NUP160: variants seen among roughly 807,000 people sequenced by gnomAD.
The protein encoded by NUP160 is nuclear pore complex protein Nup160.
NUP160 carries 94 observed loss-of-function variants against 196.9 expected under a neutral mutation model. The ratio of observed to expected loss-of-function variants is 0.48; its 90% CI spans 0.40 to 0.57. The LOEUF is 0.57. NUP160 is among the 20% of genes least tolerant of loss of function. NUP160 has a pLI of 0.00. For synonymous variants in NUP160, 605 were observed against 619.7 expected (o/e 0.98, Z 0.35); for missense variants, 1,638 against 1,748.3 (o/e 0.94, Z 1.13).
At chr11:47,796,984 C>T (rs1458857273) in intron 27 of NUP160, among the ~76,000 whole-genome samples, 5 of 152,162 alleles carry the variant, frequency 3.3e-5, no homozygotes, top group Admixed American at 6.6e-5. Flanking sequence ...TGGGCCACCG[C>T]GCCCAACCCT....
chr11:47,840,422 C>T (rs1852272686), exon 3 of NUP160: 1 of 1,614,022 alleles, frequency 6.2e-7, no homozygotes, highest in Non-Finnish European at 8.5e-7. Flanking sequence ...AACCTGTGCA[C>T]TGTTTGATTG....
At chr11:47,816,307 T>C (rs1213633898) in intron 11 of NUP160, among the ~76,000 whole-genome samples, 1 of 152,208 alleles carries the variant, frequency 6.6e-6, no homozygotes, top group Non-Finnish European at 1.5e-5. Context: ...CAAGAGGTAG[T>C]GACAAAGTGG....
intron 7 of NUP160, among the ~76,000 whole-genome samples, chr11:47,828,099 G>C (rs1264476243): frequency 6.6e-6 from 1 of 152,104 alleles, no homozygotes; most frequent in Non-Finnish European, 1.5e-5. Flanking sequence ...GAACTCCTGA[G>C]CTCAAGCAAT....
At chr11:47,782,627 G>A (rs1204761517) in intron 34 of NUP160, among the ~76,000 whole-genome samples, 2 of 150,816 alleles carry the variant, frequency 1.3e-5, no homozygotes, top group African/African-American at 4.9e-5. Context: ...AAAACTGAAC[G>A]GTTGTATGAG....
intron 21 of NUP160, among the ~76,000 whole-genome samples, chr11:47,803,881 A>G (rs1232328012): frequency 1.3e-5 from 2 of 152,110 alleles, no homozygotes; most frequent in African/African-American, 4.8e-5. Flanking sequence ...AGCAGAGACA[A>G]ATTCTTAAAA....
At chr11:47,839,684 A>G in intron 4 of NUP160, 159 bp downstream of exon 4, 1 of 661,872 alleles carries the variant, frequency 1.5e-6, no homozygotes, top group South Asian at 1.8e-5. Flanking sequence ...TATCCACTGT[A>G]TAAAAGTAAA....
At chr11:47,832,180 G>A (rs928320904) in intron 7 of NUP160, among the ~76,000 whole-genome samples, 1 of 151,850 alleles carries the variant, frequency 6.6e-6, no homozygotes, top group African/African-American at 2.4e-5. Flanking sequence ...GATTACAGGC[G>A]TGAGCCACTG....
At chr11:47,811,561 C>A (rs1599325081) in intron 17 of NUP160, among the ~76,000 whole-genome samples, 1 of 151,860 alleles carries the variant, frequency 6.6e-6, no homozygotes, top group African/African-American at 2.4e-5. Context: ...GGTATGCTTA[C>A]CACATTCATA....
exon 33 of NUP160, chr11:47,785,021 C>G: frequency 6.3e-7 from 1 of 1,599,620 alleles, no homozygotes; most frequent in Middle Eastern, 1.7e-4. Context: ...CTTTGTACCT[C>G]TCCAGGTAAG....
chr11:47,801,895 T>A (rs771074458), exon 23 of NUP160: 20 of 1,613,652 alleles, frequency 1.2e-5, no homozygotes, highest in Non-Finnish European at 1.7e-5. Flanking sequence ...CCTCTTTGCC[T>A]ACTTCAGATG....
chr11:47,817,555 C>A (rs1259491670), intron 11 of NUP160, among the ~76,000 whole-genome samples: 1 of 150,970 alleles, frequency 6.6e-6, no homozygotes, highest in Non-Finnish European at 1.5e-5. Flanking sequence ...CCATGTTGGC[C>A]AGGATGGTCT....
chr11:47,786,286 T>C (rs1408836326), intron 32 of NUP160, among the ~76,000 whole-genome samples, 167 bp downstream of exon 32: 1 of 152,116 alleles, frequency 6.6e-6, no homozygotes, highest in African/African-American at 2.4e-5. Flanking sequence ...GTTTGGACAA[T>C]AAATGACATG....
intron 27 of NUP160, among the ~76,000 whole-genome samples, chr11:47,793,884 G>A (rs989586003): frequency 1.3e-5 from 2 of 151,692 alleles, no homozygotes; most frequent in Non-Finnish European, 2.9e-5. Flanking sequence ...AGGATTACAG[G>A]CGCCCACCAC....
chr11:47,800,047 A>G (rs1379781154), intron 23 of NUP160, among the ~76,000 whole-genome samples: 1 of 152,050 alleles, frequency 6.6e-6, no homozygotes, highest in Non-Finnish European at 1.5e-5. Context: ...AGAGGCCAGG[A>G]GTTCGAGACC....
rs564716706 is a variant in NUP160 at position 47,795,510 on chromosome 11, T to C, written c.3289+2269A>G. ...CTGCCTATGAATAAACCCCATCTAC[T>C]TTTTTCCAATGAAAATCAGCAAGAA... is the stretch of plus-strand genomic sequence containing the variant. On this transcript the variant is annotated intron_variant, in intron 27 of 35. Transcript: ENST00000378460. 1.1e-4 allele frequency among the ~76,000 whole-genome samples: 16 copies of C among 152,254 alleles called. No individual in the cohort carries two copies. The South Asian group carries it at 3.1e-3, about 30-fold the overall frequency.
chr11:47,788,457 C>T (rs769436825), intron 30 of NUP160, 44 bp downstream of exon 30: 5 of 1,566,938 alleles, frequency 3.2e-6, no homozygotes, highest in South Asian at 2.2e-5. Flanking sequence ...AAAATGTGCT[C>T]GTGGTGCTGA....
chr11:47,812,830 T>A, intron 15 of NUP160, 52 bp downstream of exon 15: 2 of 1,523,728 alleles, frequency 1.3e-6, no homozygotes, highest in Non-Finnish European at 1.8e-6. Flanking sequence ...ACTTTGGCGC[T>A]AAAAATGCTG....
intron 34 of NUP160, among the ~76,000 whole-genome samples, chr11:47,781,487 C>T (rs2097660809): frequency 1.3e-5 from 2 of 151,850 alleles, no homozygotes; most frequent in Non-Finnish European, 2.9e-5. Context: ...CTGGTCTTAA[C>T]CTCTGGGTTT....
intron 29 of NUP160, among the ~76,000 whole-genome samples, chr11:47,789,535 C>G (rs1021676534): frequency 8.5e-5 from 13 of 152,144 alleles, no homozygotes; most frequent in Admixed American, 8.5e-4. Context: ...AAACCACATT[C>G]TTATTTAAGC....
Sources: gnomAD v4.1 joint callset for allele counts (sites outside exome capture counted in the v4.1 genomes callset) on GRCh38, gnomAD v4.1.1 for gene constraint, MANE v1.5 for transcripts, NCBI Gene and HGNC (gene_info 2026-07-23, HGNC 2026-07-21) for gene names.